TNRC18: variants seen among roughly 807,000 people sequenced by gnomAD.
The protein encoded by TNRC18 is trinucleotide repeat-containing gene 18 protein.
Under a neutral mutation model 226.7 loss-of-function variants are expected in TNRC18, and 69 were observed. The observed-to-expected ratio is 0.30, with a 90% CI of 0.25 to 0.37. TNRC18 has a LOEUF of 0.37. Ranked by LOEUF, TNRC18 falls within the 10% of genes least tolerant of loss-of-function variation. The probability of loss-of-function intolerance (pLI) is 1.00; values close to 1 mark genes in which losing one functional copy is unlikely to be tolerated. For synonymous variants in TNRC18, 2,449 were observed against 1,927.6 expected (o/e 1.27, Z -7.09); for missense variants, 4,754 against 4,256.6 (o/e 1.12, Z -3.25).
Position 5,378,022 on chromosome 7 carries a change from G to T in TNRC18, c.2155C>A (p.His719Asn). 1 of 1,609,192 alleles carries T rather than the reference G, an allele frequency of 6.2e-7. No homozygotes were observed. The change falls in exon 6 of 30, where the codon CAC (histidine) becomes AAC (asparagine). Residue 719 changes from histidine (H) to asparagine (N), a missense_variant and splice_region_variant. Coordinates refer to ENST00000430969, the MANE Select transcript of TNRC18 (RefSeq NM_001080495.3). The stretch of plus-strand genomic sequence containing the variant: ...ACACAGTCCTCATCTGCTCGGCCGT[G>T]CCCTGCAGGGGGCCAGGTGGAAGTG... The part of the protein sequence containing the change: ...RSLSLSNVKG[H>N]GRADEDCVDD...
intron 2 of TNRC18, among the ~76,000 whole-genome samples, chr7:5,397,584 G>A (rs1210159492): frequency 2.0e-5 from 3 of 152,174 alleles, no homozygotes; most frequent in Admixed American, 6.5e-5. Context: ...CTATGGCGAT[G>A]AGGCCAGCGT....
chr7:5,375,554 T>C (rs1189714828), intron 9 of TNRC18, among the ~76,000 whole-genome samples: 1 of 152,126 alleles, frequency 6.6e-6, no homozygotes, highest in African/African-American at 2.4e-5. Context: ...TCTTGCTGTA[T>C]GCACTACCTG....
rs969706178 is a variant in TNRC18 at position 5,371,212 on chromosome 7, G to A, written c.3382C>T (p.Pro1128Ser). Residue 1128 changes from proline (P) to serine (S), a missense_variant, in exon 11 of 30, where the codon CCC (proline) becomes TCC (serine). By Grantham distance (74) the Pro-to-Ser change is moderately conservative. Transcript: ENST00000430969. The part of the protein sequence containing the change: ...ADGPERLALS[P>S]EDKPIRLSPS... ...GACAAGCGGATGGGCTTGTCTTCGG[G>A]TGAGAGTGCCAGGCGCTCGGGCCCA... 1.2e-6 allele frequency: 2 copies of A among 1,605,418 alleles called. No individual in the cohort carries two copies. The highest frequency in any genetic ancestry group is 1.7e-6 in the Non-Finnish European group (2 of 1,174,260).
At chr7:5,321,322 G>T in intron 21 of TNRC18, 132 bp from the exon 22 acceptor site, 4 of 623,286 alleles carry the variant, frequency 6.4e-6, no homozygotes, top group Non-Finnish European at 1.1e-5. Flanking sequence ...GGGCTGAGAC[G>T]TGTGCACTTC....
chr7:5,377,500 T>C lies in TNRC18; in HGVS notation c.2332A>G (p.Met778Val). 6.3e-7 allele frequency: 1 copy of C among 1,585,644 alleles called. No homozygotes were observed. Among genetic ancestry groups the C allele is most frequent in the Non-Finnish European group, 8.6e-7 (1 of 1,166,578 alleles). Residue 778 changes from methionine to valine, a missense_variant, in exon 7 of 30, where the codon ATG becomes GTG. Met to Val is a conservative substitution (Grantham distance 21, BLOSUM62 1). Coordinates refer to ENST00000430969, the MANE Select transcript of TNRC18 (RefSeq NM_001080495.3). The surrounding 1 kb of genome is among the most constrained non-coding windows in gnomAD (Gnocchi z 5.8). Reference sequence around the variant, plus strand: ...GCCAGCGCCGGGCCCCCCGTCACCATGAGGTTGGGGTTCAGGCCGTTAGGA... The same window carrying C: ...GCCAGCGCCGGGCCCCCCGTCACCACGAGGTTGGGGTTCAGGCCGTTAGGA... ...CAPNGLNPNL[M>V]VTGGPALAGS...
chr7:5,418,957 A>G (rs912330676), intron 2 of TNRC18, among the ~76,000 whole-genome samples: 3 of 152,194 alleles, frequency 2.0e-5, no homozygotes, highest in Non-Finnish European at 2.9e-5. Flanking sequence ...CAGAACCAGC[A>G]CCGGCCCCCA....
At position 5,382,010 on chromosome 7, in the gene TNRC18, A is replaced by G. The variant is rs556847790; in HGVS notation, c.2153-3986T>C. Reference sequence around the variant, plus strand: ...AAATAATAAAAATAAAAAATAAAATAAAGTGGATAAATAAACAAAGGCTGT... The same window carrying G: ...AAATAATAAAAATAAAAAATAAAATGAAGTGGATAAATAAACAAAGGCTGT... On this transcript the variant is annotated intron_variant, in intron 5 of 29. Coordinates refer to ENST00000430969, the MANE Select transcript of TNRC18 (RefSeq NM_001080495.3). 3.9e-5 allele frequency among the ~76,000 whole-genome samples: 6 copies of G among 152,232 alleles called. No individual in the cohort carries two copies. The East Asian group carries it at 1.2e-3, about 29-fold the overall frequency.
intron 22 of TNRC18, 148 bp downstream of exon 22, chr7:5,320,925 G>A (rs968660244): frequency 2.3e-5 from 15 of 659,476 alleles, no homozygotes; most frequent in African/African-American, 1.5e-4. Flanking sequence ...GGGCCTCCCC[G>A]TCAGCTCTGA....
chr7:5,386,848 G>A (rs891461872), intron 5 of TNRC18, among the ~76,000 whole-genome samples: 9 of 152,128 alleles, frequency 5.9e-5, no homozygotes, highest in African/African-American at 1.9e-4. Context: ...GCTGAGATGG[G>A]CGGATCACCT....
chr7:5,388,582 G>C lies in TNRC18; in HGVS notation c.1242C>G (p.Pro414=). 1 of 1,297,432 alleles carries C rather than the reference G, an allele frequency of 7.7e-7. No individual in the cohort carries two copies. The highest frequency in any genetic ancestry group is 9.8e-7 in the Non-Finnish European group (1 of 1,023,712). The allele number at this position is 1,297,432 out of a possible 1,614,324, so 80.4% of individuals were successfully genotyped here. ...GCCGGTCCAGAGGCCGCGGGGAGCC[G>C]GGGGGCGCCTGCAGGACCCCTGGCC... is the stretch of plus-strand genomic sequence containing the variant. ...AGRPGVLQAP[P]GSPRPLDRPE... is the part of the protein sequence containing the mutation. The change falls in exon 5 of 30, where the codon CCC becomes CCG. Residue 414 remains proline (P), a synonymous_variant. Transcript: ENST00000430969.
chr7:5,311,073 G>A (rs1193529893), intron 27 of TNRC18, among the ~76,000 whole-genome samples: 1 of 152,266 alleles, frequency 6.6e-6, no homozygotes, highest in African/African-American at 2.4e-5. Flanking sequence ...TTGCATATGT[G>A]TGCATGTTCA....
chr7:5,310,183 G>A (rs897820032), intron 27 of TNRC18, among the ~76,000 whole-genome samples: 9 of 152,110 alleles, frequency 5.9e-5, no homozygotes, highest in African/African-American at 1.2e-4. Context: ...GATTACAGGC[G>A]TGAGCTACCA....
Position 5,370,930 on chromosome 7 carries a change from A to G in TNRC18, c.3664T>C (p.Phe1222Leu), listed in dbSNP as rs1351208042. 6.2e-7 allele frequency: 1 copy of G among 1,605,382 alleles called. No homozygotes were observed. The highest frequency in any genetic ancestry group is 8.5e-7 in the Non-Finnish European group (1 of 1,179,710). ...ACCCGTGGTTCAGGCCCCTCCACAA[A>G]GTCTGGACACTCAGAGGGCTCTGCG... is the stretch of plus-strand genomic sequence containing the variant. The part of the protein sequence containing the change: ...SCAEPSECPD[F>L]VEGPEPRVDS... Residue 1222 changes from phenylalanine to leucine, a missense_variant, in exon 11 of 30, where the codon TTT becomes CTT. Transcript: ENST00000430969.
intron 22 of TNRC18, 54 bp downstream of exon 22, chr7:5,321,019 C>G: frequency 7.6e-7 from 1 of 1,310,646 alleles, no homozygotes; most frequent in Non-Finnish European, 1.1e-6. Flanking sequence ...GCGGCCGGGA[C>G]ACGGGGCGGG....
In TNRC18 at chr7:5,312,822, G is replaced by C. The variant is rs767803377; in HGVS notation, c.8069C>G (p.Thr2690Arg). ...SSDDEAAPAPTAGPSAQAALP... is the reference protein window; with the variant it reads ...SSDDEAAPAPRAGPSAQAALP... ...CGCCGCCTGCGCGGAAGGGCCAGCCGTGGGGGCGGGGGCTGCCTCATCGTC... is the reference window on the plus strand; with the variant it reads ...CGCCGCCTGCGCGGAAGGGCCAGCCCTGGGGGCGGGGGCTGCCTCATCGTC... The change falls in exon 27 of 30, where the codon ACG (threonine) becomes AGG (arginine). Residue 2690 changes from threonine to arginine, a missense_variant. Physicochemically the swap from Thr to Arg is moderately conservative, Grantham distance 71. Transcript: ENST00000430969. The surrounding 1 kb of genome is among the most constrained non-coding windows in gnomAD (Gnocchi z 6.3). The C allele has an allele frequency of 2.6e-6, 4 of 1,529,614 alleles. No individual in the cohort carries two copies. Among genetic ancestry groups the C allele is most frequent in the African/African-American group, 1.4e-5 (1 of 72,806 alleles). 94.8% of individuals were successfully genotyped at this position (1,529,614 alleles called of 1,614,324 possible).
intron 25 of TNRC18, 39 bp downstream of exon 25, chr7:5,315,917 C>G (rs762260224): frequency 6.7e-7 from 1 of 1,489,698 alleles, no homozygotes; most frequent in African/African-American, 1.4e-5. Context: ...GGTGGGCGGC[C>G]CCTGGCAGGA....
Position 5,370,846 on chromosome 7 carries a change from T to G in TNRC18, c.3748A>C (p.Thr1250Pro). 6.2e-7 allele frequency: 1 copy of G among 1,609,098 alleles called. No homozygotes were observed. Reference sequence around the variant, plus strand: ...TTGGCCTCCACCAGTGTCTCGGGTGTCAGCTGCACCCCCAGGTCCAGGGCG... The same window carrying G: ...TTGGCCTCCACCAGTGTCTCGGGTGGCAGCTGCACCCCCAGGTCCAGGGCG... ...TAALDLGVQL[T>P]PETLVEAKEE... Residue 1250 changes from threonine (T) to proline (P), a missense_variant, in exon 11 of 30, where the codon ACA becomes CCA. Thr to Pro is a conservative substitution (Grantham distance 38). Coordinates refer to ENST00000430969, the MANE Select transcript of TNRC18 (RefSeq NM_001080495.3).
chr7:5,308,988 G>T (rs746667991), intron 28 of TNRC18, 39 bp from the exon 29 acceptor site: 4 of 1,574,494 alleles, frequency 2.5e-6, no homozygotes, highest in East Asian at 2.3e-5. Context: ...GTGAGCCCGG[G>T]GGCTGCTGCA....
chr7:5,310,444 A>T (rs1442023837), intron 27 of TNRC18, among the ~76,000 whole-genome samples: 5 of 152,154 alleles, frequency 3.3e-5, no homozygotes, highest in Non-Finnish European at 7.3e-5. Context: ...CCATGTTGGC[A>T]GGGTGGTCTC....
Sources: gnomAD v4.1 joint callset for allele counts (sites outside exome capture counted in the v4.1 genomes callset) on GRCh38, gnomAD v4.1.1 for gene constraint, Gnocchi (gnomAD v3.1) non-coding constraint, MANE v1.5 for transcripts, NCBI Gene and HGNC (gene_info 2026-07-23, HGNC 2026-07-21) for gene names.